Variants in GALNT13 observed in about 807,000 individuals in gnomAD.
GALNT13 encodes polypeptide N-acetylgalactosaminyltransferase 13.
Under a neutral mutation model 64.2 loss-of-function variants are expected in GALNT13, and 28 were observed. The ratio of observed to expected loss-of-function variants is 0.44; its 90% CI spans 0.32 to 0.60. GALNT13 has a LOEUF of 0.60. GALNT13 is among the 20% of genes least tolerant of loss of function. The probability of loss-of-function intolerance (pLI) is 0.05; values close to 1 mark genes in which losing one functional copy is unlikely to be tolerated. For synonymous variants in GALNT13, 214 were observed against 224.6 expected (o/e 0.95, Z 0.42); for missense variants, 577 against 669.8 (o/e 0.86, Z 1.53).
chr2:153,875,762 T>G (rs978759704), intron 1 of GALNT13, among the ~76,000 whole-genome samples: 1 of 152,234 alleles, frequency 6.6e-6, no homozygotes, highest in Non-Finnish European at 1.5e-5. Context: ...TAAGCCTTAC[T>G]GTCTAAAATA....
chr2:153,262,275 C>A, the GALNT13 span, among the ~76,000 whole-genome samples: 1 of 152,298 alleles, frequency 6.6e-6, no homozygotes, highest in South Asian at 2.1e-4. Flanking sequence ...GTGCTAAATT[C>A]ATCGGCAGTT....
the GALNT13 span, among the ~76,000 whole-genome samples, chr2:153,293,790 T>C: frequency 8.2e-6 from 1 of 122,428 alleles, no homozygotes; most frequent in South Asian, 2.5e-4. Flanking sequence ...TGTGTGTGTG[T>C]GTCTGTGTGT....
At chr2:153,887,821 A>G (rs1189407983) in intron 1 of GALNT13, among the ~76,000 whole-genome samples, 1 of 152,010 alleles carries the variant, frequency 6.6e-6, no homozygotes, top group Non-Finnish European at 1.5e-5. Flanking sequence ...TTGAAAGATC[A>G]ATGCTTTTTG....
chr2:153,780,934 AGG>A, the GALNT13 span, among the ~76,000 whole-genome samples: 1 of 152,146 alleles, frequency 6.6e-6, no homozygotes, highest in South Asian at 2.1e-4. Flanking sequence ...ATTAAACATG[AGG>A]TTACAATGCC....
At chr2:153,140,557 T>A in the GALNT13 span, among the ~76,000 whole-genome samples, 3,058 of 152,088 alleles carry the variant, frequency 0.02, 55 homozygotes, top group Non-Finnish European at 0.029. Context: ...ATGGCTTGAG[T>A]CTAGGTTGTA....
At chr2:153,478,441 G>C in the GALNT13 span, 5 of 1,613,908 alleles carry the variant, frequency 3.1e-6, no homozygotes, top group Non-Finnish European at 4.2e-6. Context: ...GCCTCCCTCC[G>C]CGAAGCCGTC....
intron 4 of GALNT13, among the ~76,000 whole-genome samples, chr2:154,230,027 C>T (rs778600121): frequency 2.0e-5 from 3 of 152,080 alleles, no homozygotes; most frequent in African/African-American, 4.8e-5. Context: ...AATTTAAGGG[C>T]TTGTTGATTC....
chr2:154,419,873 TAG>T (rs1700176032), intron 11 of GALNT13, among the ~76,000 whole-genome samples: 1 of 152,098 alleles, frequency 6.6e-6, no homozygotes, highest in Non-Finnish European at 1.5e-5. Flanking sequence ...GTGCAAATAG[TAG>T]GACAAAATAT....
At chr2:153,328,707 A>G in the GALNT13 span, among the ~76,000 whole-genome samples, 2 of 152,168 alleles carry the variant, frequency 1.3e-5, no homozygotes, top group African/African-American at 4.8e-5. Flanking sequence ...GCTGGCAGCG[A>G]GAATGGCAAG....
the GALNT13 span, among the ~76,000 whole-genome samples, chr2:153,641,243 C>G: frequency 6.6e-6 from 1 of 152,104 alleles, no homozygotes; most frequent in Non-Finnish European, 1.5e-5. Context: ...AAGAGCCACC[C>G]TCTTGTTCAT....
chr2:153,211,385 C>T, the GALNT13 span, among the ~76,000 whole-genome samples: 1 of 152,094 alleles, frequency 6.6e-6, no homozygotes, highest in African/African-American at 2.4e-5. Context: ...TCAGGCAATC[C>T]ACCCATCTTG....
the GALNT13 span, among the ~76,000 whole-genome samples, chr2:153,432,882 T>C: frequency 2.6e-5 from 4 of 152,190 alleles, no homozygotes; most frequent in Non-Finnish European, 4.4e-5. Context: ...ACAGAATGAT[T>C]TGTAAAATAG....
upstream of GALNT13, among the ~76,000 whole-genome samples, chr2:153,870,076 C>G (rs1356946932): frequency 6.6e-6 from 1 of 151,856 alleles, no homozygotes; most frequent in Non-Finnish European, 1.5e-5. Context: ...TCCTAGATCT[C>G]TAAACCAAAC....
At chr2:153,723,676 C>G in the GALNT13 span, among the ~76,000 whole-genome samples, 1 of 151,908 alleles carries the variant, frequency 6.6e-6, no homozygotes, top group Non-Finnish European at 1.5e-5. Context: ...AAACAGAGAG[C>G]CAAATCATGA....
the GALNT13 span, among the ~76,000 whole-genome samples, chr2:153,361,035 A>T: frequency 6.0e-4 from 92 of 152,176 alleles, no homozygotes; most frequent in Non-Finnish European, 9.9e-4. Context: ...CCCATTTTTG[A>T]TGTTCTCCAG....
At chr2:153,562,066 G>C in the GALNT13 span, among the ~76,000 whole-genome samples, 271 of 46,670 alleles carry the variant, frequency 5.8e-3, 1 homozygote, top group Admixed American at 7.9e-3. Context: ...CTCTCTGTGT[G>C]TGTGTGTGTG....
At chr2:154,413,184 T>C (rs928136149) in intron 11 of GALNT13, among the ~76,000 whole-genome samples, 1 of 151,884 alleles carries the variant, frequency 6.6e-6, no homozygotes. Context: ...TTATCGTTAA[T>C]GTCTGCAGAC....
At chr2:153,499,225 G>A in the GALNT13 span, among the ~76,000 whole-genome samples, 1 of 152,186 alleles carries the variant, frequency 6.6e-6, no homozygotes, top group South Asian at 2.1e-4. Context: ...AGGTGAAGAG[G>A]AGCTTCACTA....
the GALNT13 span, among the ~76,000 whole-genome samples, chr2:153,352,015 G>A: frequency 6.6e-6 from 1 of 152,148 alleles, no homozygotes; most frequent in Non-Finnish European, 1.5e-5. Context: ...AGTATGTTTA[G>A]TTTTGTAAGA....
Sources: allele counts gnomAD v4.1 joint callset (sites outside exome capture counted in the v4.1 genomes callset), GRCh38; gene constraint gnomAD v4.1.1; transcripts MANE v1.5; gene names NCBI Gene and HGNC (gene_info 2026-07-23, HGNC 2026-07-21).